Variants in EPS8 observed in about 807,000 individuals in gnomAD.
The protein encoded by EPS8 is EGFR pathway substrate 8, signaling adaptor.
EPS8 carries 42 observed loss-of-function variants against 103.8 expected under a neutral mutation model. That is an observed-to-expected ratio of 0.40 (90% confidence interval 0.32 to 0.52). EPS8 has a LOEUF of 0.52. Ranked by LOEUF, EPS8 falls within the 20% of genes least tolerant of loss-of-function variation. The probability of loss-of-function intolerance (pLI) is 0.40; values close to 1 mark genes in which losing one functional copy is unlikely to be tolerated. For synonymous variants in EPS8, 344 were observed against 344.6 expected (o/e 1.00, Z 0.02); for missense variants, 969 against 1,005.1 (o/e 0.96, Z 0.49).
chr12:15,783,670 C>G (rs899697877), intron 1 of EPS8, among the ~76,000 whole-genome samples: 1 of 144,428 alleles, frequency 6.9e-6, no homozygotes, highest in African/African-American at 2.6e-5. Flanking sequence ...AGATGTTACT[C>G]TATACTAACA....
At chr12:15,660,439 T>G (rs1945585316) in intron 10 of EPS8, among the ~76,000 whole-genome samples, 175 bp downstream of exon 10, 1 of 152,106 alleles carries the variant, frequency 6.6e-6, no homozygotes, top group Non-Finnish European at 1.5e-5. Flanking sequence ...AATTTTTGTA[T>G]TTTTAGTAGA....
rs1001624397 is a variant in EPS8, at chr12:15,757,023, C to A, written c.-22+32138G>T. Reference sequence around the variant, plus strand: ...TCTTGAAATACAAATTAAGTATTACCCAATCTACACCCCTTAAATGCCATT... The same window carrying A: ...TCTTGAAATACAAATTAAGTATTACACAATCTACACCCCTTAAATGCCATT... On this transcript the variant is annotated intron_variant, in intron 1 of 20. Transcript: ENST00000281172. This position sits in a 1 kb window ranked among gnomAD's most constrained non-coding sequence, Gnocchi z 4.1. Among the ~76,000 whole-genome samples, 1 of 150,928 alleles carries A rather than the reference C, an allele frequency of 6.6e-6. No homozygotes were observed. Among genetic ancestry groups the A allele is most frequent in the Admixed American group, 6.6e-5 (1 of 15,158 alleles).
rs1275161885 is a variant in EPS8, at chr12:15,733,284, G to A, written c.-21-50312C>T. On this transcript the variant is annotated intron_variant, in intron 1 of 20. Transcript: ENST00000281172. This position sits in a 1 kb window ranked among gnomAD's most constrained non-coding sequence, Gnocchi z 4.8. ...AAGCAAGCCCGTCTAACAGGTGAGAGGGGACAGTGTGTGAAGGAGGAACTG... is the reference window on the plus strand; with the variant it reads ...AAGCAAGCCCGTCTAACAGGTGAGAAGGGACAGTGTGTGAAGGAGGAACTG... 6.6e-6 allele frequency among the ~76,000 whole-genome samples: 1 copy of A among 152,166 alleles called. No homozygotes were observed. The highest frequency in any genetic ancestry group is 2.1e-4 in the South Asian group (1 of 4,830).
intron 3 of EPS8, among the ~76,000 whole-genome samples, chr12:15,676,684 A>G (rs577102205): frequency 6.6e-6 from 1 of 152,338 alleles, no homozygotes; most frequent in African/African-American, 2.4e-5. Context: ...AAAAAAATAT[A>G]AAATTTCCAG....
intron 3 of EPS8, among the ~76,000 whole-genome samples, chr12:15,676,715 AG>A (rs1317754972): frequency 1.3e-5 from 2 of 152,076 alleles, no homozygotes; most frequent in East Asian, 3.8e-4. Flanking sequence ...ACAGTAGCTA[AG>A]TAAAATGTTA....
intron 6 of EPS8, among the ~76,000 whole-genome samples, chr12:15,666,981 C>T (rs1945724819): frequency 6.6e-6 from 1 of 152,206 alleles, no homozygotes; most frequent in African/African-American, 2.4e-5. Flanking sequence ...AACTCCAACG[C>T]TAGGTTTTAC....
intron 1 of EPS8, among the ~76,000 whole-genome samples, chr12:15,705,445 C>G (rs1006061059): frequency 6.6e-6 from 1 of 152,028 alleles, no homozygotes; most frequent in Non-Finnish European, 1.5e-5. Flanking sequence ...GTAAAACATT[C>G]ATTCAACAAA....
chr12:15,728,781 C>A lies in EPS8; in HGVS notation c.-21-45809G>T, dbSNP rs1327148435. On this transcript the variant is annotated intron_variant, in intron 1 of 20. Coordinates refer to ENST00000281172, the MANE Select transcript of EPS8 (RefSeq NM_004447.6). This position sits in a 1 kb window ranked among gnomAD's most constrained non-coding sequence, Gnocchi z 4.5. ...GCTATTTCTAGAAATATTTAAAGCA[C>A]AATATATGTTAATATCAAACTTTGG... Among the ~76,000 whole-genome samples, 1 of 151,962 alleles carries A rather than the reference C, an allele frequency of 6.6e-6. No homozygotes were observed. Among genetic ancestry groups the A allele is most frequent in the Admixed American group, 6.6e-5 (1 of 15,264 alleles).
chr12:15,756,101 T>C (rs1015975468), intron 1 of EPS8, among the ~76,000 whole-genome samples: 4 of 152,356 alleles, frequency 2.6e-5, no homozygotes, highest in Admixed American at 2.0e-4. Context: ...TGTTGATTGA[T>C]TTATTCAATC....
chr12:15,763,828 G>A (rs142337022), intron 1 of EPS8, among the ~76,000 whole-genome samples: 1,741 of 152,176 alleles, frequency 0.011, 15 homozygotes, highest in Middle Eastern at 0.027. Context: ...ATAATCCAAT[G>A]CCTCTACCCC....
At chr12:15,647,617 A>G (rs1945342447) in intron 14 of EPS8, among the ~76,000 whole-genome samples, 1 of 152,230 alleles carries the variant, frequency 6.6e-6, no homozygotes, top group African/African-American at 2.4e-5. Context: ...AGTATTTTCA[A>G]TATTTTTAAA....
At chr12:15,741,158 A>T (rs1333471362) in intron 1 of EPS8, among the ~76,000 whole-genome samples, 1 of 152,196 alleles carries the variant, frequency 6.6e-6, no homozygotes, top group Non-Finnish European at 1.5e-5. Context: ...AAGGTCCAGG[A>T]CCTTGTTCTG....
intron 4 of EPS8, 97 bp from the exon 5 acceptor site, chr12:15,669,922 T>A: frequency 1.1e-6 from 1 of 876,492 alleles, no homozygotes. Flanking sequence ...TAACCTGAGG[T>A]CAGCTAGCAG....
At chr12:15,632,505 A>G (rs984727020) in intron 17 of EPS8, among the ~76,000 whole-genome samples, 2 of 152,244 alleles carry the variant, frequency 1.3e-5, no homozygotes, top group Non-Finnish European at 2.9e-5. Context: ...CAAATTCTCA[A>G]AAGGCACATT....
intron 1 of EPS8, among the ~76,000 whole-genome samples, chr12:15,732,427 G>A (rs7956378): frequency 0.044 from 6,680 of 152,140 alleles, 499 homozygotes; most frequent in African/African-American, 0.15. Flanking sequence ...CACAATGTAC[G>A]AGGCATTTTA....
At chr12:15,659,952 T>G (rs1945575665) in intron 10 of EPS8, among the ~76,000 whole-genome samples, 1 of 152,208 alleles carries the variant, frequency 6.6e-6, no homozygotes, top group Non-Finnish European at 1.5e-5. Context: ...AATAATATGG[T>G]TCTAGTTTAC....
intron 6 of EPS8, among the ~76,000 whole-genome samples, chr12:15,667,414 C>T (rs946167965): frequency 1.3e-5 from 2 of 152,166 alleles, no homozygotes; most frequent in African/African-American, 4.8e-5. Flanking sequence ...GAGGCCAATG[C>T]ATCCCAGTCC....
rs143136739 is a variant in EPS8, at chr12:15,772,090, C to T, written c.-22+17071G>A. Among the ~76,000 whole-genome samples the T allele has an allele frequency of 1.8e-3, 276 of 152,004 alleles. 1 individual carries two copies. The Middle Eastern group carries it at 0.031, about 17-fold the overall frequency. ...AGTTAACATGATTAGCAGTGAGAGA[C>T]GGAAGAGGAGAGTGCTCTATCAGCC... On this transcript the variant is annotated intron_variant, in intron 1 of 20. Coordinates refer to ENST00000281172, the MANE Select transcript of EPS8 (RefSeq NM_004447.6). This position sits in a 1 kb window ranked among gnomAD's most constrained non-coding sequence, Gnocchi z 5.0.
intron 1 of EPS8, among the ~76,000 whole-genome samples, chr12:15,742,535 C>T (rs1368826689): frequency 2.0e-5 from 3 of 152,120 alleles, no homozygotes; most frequent in Admixed American, 2.0e-4. Context: ...AAACCGAATC[C>T]AGCAGCACAT....
Sources: gnomAD v4.1 joint callset for allele counts (sites outside exome capture counted in the v4.1 genomes callset) on GRCh38, gnomAD v4.1.1 for gene constraint, Gnocchi (gnomAD v3.1) non-coding constraint, MANE v1.5 for transcripts, NCBI Gene and HGNC (gene_info 2026-07-23, HGNC 2026-07-21) for gene names.